WWC1: variants seen among roughly 807,000 people sequenced by gnomAD.
WWC1 encodes protein KIBRA.
In WWC1, 55 loss-of-function variants were observed where a neutral mutation model predicts 138.4. That is an observed-to-expected ratio of 0.40 (90% confidence interval 0.32 to 0.50). WWC1 has a LOEUF of 0.50. Ranked by LOEUF, WWC1 falls within the 20% of genes least tolerant of loss-of-function variation. The probability of loss-of-function intolerance (pLI) is 0.72; values close to 1 mark genes in which losing one functional copy is unlikely to be tolerated. For synonymous variants in WWC1, 524 were observed against 564.9 expected (o/e 0.93, Z 1.03); for missense variants, 1,226 against 1,420.4 (o/e 0.86, Z 2.20).
At chr5:168,463,074 G>A (rs1756962267) in intron 20 of WWC1, among the ~76,000 whole-genome samples, 1 of 152,304 alleles carries the variant, frequency 6.6e-6, no homozygotes, top group South Asian at 2.1e-4. Context: ...CTTATACTGT[G>A]TCTGAAATCT....
chr5:168,297,347 C>T (rs1769627251), intron 1 of WWC1, among the ~76,000 whole-genome samples: 1 of 152,102 alleles, frequency 6.6e-6, no homozygotes, highest in South Asian at 2.1e-4. Context: ...TGAGAACCAG[C>T]CTGGTGCGGT....
At chr5:168,372,041 G>GAA (rs374411670) in intron 2 of WWC1, among the ~76,000 whole-genome samples, 7 of 134,360 alleles carry the variant, frequency 5.2e-5, no homozygotes, top group Non-Finnish European at 1.1e-4. Context: ...GAGAGAGAGA[G>GAA]AAAGAGTGTG....
chr5:168,386,377 C>CTTT (rs59691686), intron 3 of WWC1, among the ~76,000 whole-genome samples: 17 of 143,932 alleles, frequency 1.2e-4, no homozygotes, highest in Non-Finnish European at 1.7e-4. Flanking sequence ...TCCCCTTGTT[C>CTTT]TTTTTTTTTT....
intron 8 of WWC1, 138 bp from the exon 9 acceptor site, chr5:168,414,210 G>T: frequency 7.6e-7 from 1 of 1,317,568 alleles, no homozygotes. Context: ...AAAAAAATAG[G>T]TTCCTTGAGA....
At chr5:168,396,091 G>A (rs1778878246) in intron 3 of WWC1, among the ~76,000 whole-genome samples, 1 of 152,046 alleles carries the variant, frequency 6.6e-6, no homozygotes, top group African/African-American at 2.4e-5. Context: ...ATTAAAGAGT[G>A]TTCAGATGAT....
chr5:168,406,717 G>A (rs569133413), intron 6 of WWC1, among the ~76,000 whole-genome samples: 18 of 152,190 alleles, frequency 1.2e-4, no homozygotes, highest in South Asian at 1.0e-3. Context: ...TGAGGCGGGC[G>A]GATCATGGGG....
intron 1 of WWC1, among the ~76,000 whole-genome samples, chr5:168,366,747 C>G (rs551398474): frequency 5.3e-5 from 8 of 151,860 alleles, no homozygotes; most frequent in Non-Finnish European, 7.4e-5. Flanking sequence ...AACCCCATCT[C>G]CATCCTCACA....
intron 2 of WWC1, among the ~76,000 whole-genome samples, chr5:168,373,819 G>A (rs1160264923): frequency 6.6e-6 from 1 of 151,342 alleles, no homozygotes; most frequent in East Asian, 1.9e-4. Flanking sequence ...GGCCGAGGTG[G>A]GCGGATCACG....
At chr5:168,430,929 T>C (rs982223268) in intron 14 of WWC1, among the ~76,000 whole-genome samples, 1 of 152,178 alleles carries the variant, frequency 6.6e-6, no homozygotes, top group Non-Finnish European at 1.5e-5. Context: ...GATGGGATGC[T>C]TGGGTCAATT....
intron 1 of WWC1, among the ~76,000 whole-genome samples, chr5:168,297,363 A>C (rs1456714419): frequency 6.6e-6 from 1 of 152,230 alleles, no homozygotes; most frequent in Non-Finnish European, 1.5e-5. Flanking sequence ...GCGGTGGCTC[A>C]TGCCTATAAT....
intron 1 of WWC1, among the ~76,000 whole-genome samples, chr5:168,306,986 A>G (rs935023679): frequency 1.4e-4 from 21 of 152,260 alleles, no homozygotes; most frequent in African/African-American, 4.8e-4. Flanking sequence ...CATAATCTAC[A>G]TCTTCGAGAC....
At chr5:168,403,964 C>A (rs1461043524) in intron 5 of WWC1, among the ~76,000 whole-genome samples, 1 of 151,784 alleles carries the variant, frequency 6.6e-6, no homozygotes, top group Non-Finnish European at 1.5e-5. Context: ...ATAATGGTGA[C>A]CCTTTGTTCT....
intron 1 of WWC1, among the ~76,000 whole-genome samples, chr5:168,339,840 T>TTTCTCTC (rs1773841384): frequency 6.7e-6 from 1 of 148,512 alleles, no homozygotes; most frequent in Non-Finnish European, 1.5e-5. Flanking sequence ...CTTTTTCTTT[T>TTTCTCTC]CTTTCTTTCT....
At chr5:168,427,891 G>A in intron 11 of WWC1, 142 bp from the exon 12 acceptor site, 2 of 601,342 alleles carry the variant, frequency 3.3e-6, no homozygotes, top group Non-Finnish European at 3.0e-6. Context: ...ACCCGAAGTG[G>A]TCGAGGCTGC....
intron 11 of WWC1, among the ~76,000 whole-genome samples, chr5:168,424,563 G>T (rs931521782): frequency 7.2e-5 from 11 of 152,238 alleles, no homozygotes; most frequent in Admixed American, 7.2e-4. Context: ...GCCAGGGCAG[G>T]TTGGGTTGTG....
intron 9 of WWC1, among the ~76,000 whole-genome samples, chr5:168,416,945 G>A (rs1331482041): frequency 1.3e-5 from 2 of 152,094 alleles, no homozygotes; most frequent in South Asian, 4.2e-4. Flanking sequence ...TCGGCTTACT[G>A]CAACTTCCAC....
chr5:168,424,177 T>C (rs1012940027), intron 11 of WWC1, 109 bp downstream of exon 11: 1 of 1,346,906 alleles, frequency 7.4e-7, no homozygotes, highest in Non-Finnish European at 1.0e-6. Context: ...ACTGCTTCTG[T>C]GTGCTGGGTC....
At chr5:168,313,060 G>A (rs1179243420) in intron 1 of WWC1, among the ~76,000 whole-genome samples, 3 of 151,702 alleles carry the variant, frequency 2.0e-5, no homozygotes, top group Non-Finnish European at 4.4e-5. Context: ...CACCCGCCTC[G>A]GCCTCACAAA....
At chr5:168,408,683 C>T in intron 7 of WWC1, 30 bp downstream of exon 7, 1 of 1,611,884 alleles carries the variant, frequency 6.2e-7, no homozygotes, top group Non-Finnish European at 8.5e-7. Flanking sequence ...TGCTGGGGGC[C>T]TTCCACAGGA....
Sources: allele counts gnomAD v4.1 joint callset (sites outside exome capture counted in the v4.1 genomes callset), GRCh38; gene constraint gnomAD v4.1.1; transcripts MANE v1.5; gene names NCBI Gene and HGNC (gene_info 2026-07-23, HGNC 2026-07-21).